PCDH15: variants seen among roughly 807,000 people sequenced by gnomAD.
PCDH15 encodes the protein protocadherin-15.
A neutral mutation model predicts 178.5 loss-of-function variants in PCDH15; 129 were observed. That is an observed-to-expected ratio of 0.72 (90% CI 0.63 to 0.84). The LOEUF is 0.84. Ranked by LOEUF, PCDH15 falls within the 40% of genes least tolerant of loss-of-function variation. PCDH15 has a pLI of 0.00. For missense variants in PCDH15, 2,230 were observed against 2,099.9 expected, an observed-to-expected ratio of 1.06 and a Z score of -1.21; for synonymous variants, 800 against 732.0, an observed-to-expected ratio of 1.09 and a Z score of -1.50.
rs754520523 is a variant in PCDH15, at chr10:53,995,778, A to T, written c.2752-13T>A. On this transcript the variant is annotated splice_polypyrimidine_tract_variant and intron_variant, in intron 20 of 37. Coordinates refer to ENST00000644397, the MANE Select transcript of PCDH15 (RefSeq NM_001384140.1). The stretch of plus-strand genomic sequence containing the variant: ...AATCATTCATATCCTGTAAAACACA[A>T]TTAGGAGTTTAGTACTTCAGTTGAA... 2 of 1,611,880 alleles carry T rather than the reference A, an allele frequency of 1.2e-6. No individual in the cohort carries two copies. Among genetic ancestry groups the T allele is most frequent in the Non-Finnish European group, 8.5e-7 (1 of 1,178,198 alleles).
chr10:55,339,271 A>G (rs925950438), intron 2 of PCDH15, among the ~76,000 whole-genome samples: 1 of 147,384 alleles, frequency 6.8e-6, no homozygotes, highest in Admixed American at 7.1e-5. Context: ...ACATACAACA[A>G]TTATGTAACC....
intron 3 of PCDH15, among the ~76,000 whole-genome samples, chr10:54,473,269 C>A (rs1473367147): frequency 1.3e-5 from 2 of 151,968 alleles, no homozygotes; most frequent in Non-Finnish European, 2.9e-5. Context: ...GCAAGAATAT[C>A]TTTTTTAAGG....
At chr10:54,238,264 T>C (rs2054835850) in intron 8 of PCDH15, among the ~76,000 whole-genome samples, 1 of 152,082 alleles carries the variant, frequency 6.6e-6, no homozygotes, top group African/African-American at 2.4e-5. Flanking sequence ...TGTACTTTTA[T>C]ACAAAACCAG....
At chr10:54,914,792 C>T (rs1954873085) in intron 2 of PCDH15, among the ~76,000 whole-genome samples, 1 of 152,110 alleles carries the variant, frequency 6.6e-6, no homozygotes, top group South Asian at 2.1e-4. Flanking sequence ...TAACCAAAAC[C>T]CTTCAAATCT....
chr10:55,354,236 C>T (rs1162355478), intron 2 of PCDH15, among the ~76,000 whole-genome samples: 1 of 152,060 alleles, frequency 6.6e-6, no homozygotes, highest in African/African-American at 2.4e-5. Flanking sequence ...CTGTAACCAA[C>T]CTCTGCCTCT....
At chr10:55,102,357 A>G (rs1842594434) in intron 2 of PCDH15, among the ~76,000 whole-genome samples, 1 of 152,074 alleles carries the variant, frequency 6.6e-6, no homozygotes, top group Non-Finnish European at 1.5e-5. Flanking sequence ...GTTATCCACA[A>G]GGGATATATT....
At chr10:54,552,307 A>G (rs182324053) in intron 2 of PCDH15, among the ~76,000 whole-genome samples, 214 of 152,310 alleles carry the variant, frequency 1.4e-3, no homozygotes, top group Non-Finnish European at 2.2e-3. Flanking sequence ...AATTTTATTC[A>G]TAGTTCACAG....
Position 53,888,677 on chromosome 10 carries a change from ATATATATATATATATATATATATAT to A in PCDH15, c.3501+14541_3501+14565del, listed in dbSNP as rs1296847598. Reference sequence around the variant, plus strand: ...GCAGTTAAGTTTGATATATATATATATATATATATATATATATATATATATATCTCCTGTGGAAATTGATAAGCTG... The same window carrying A: ...GCAGTTAAGTTTGATATATATATATAATCTCCTGTGGAAATTGATAAGCTG... On this transcript the variant is annotated intron_variant, in intron 26 of 37. Transcript: ENST00000644397. Among the ~76,000 whole-genome samples, 187 of 32,996 alleles carry A rather than the reference ATATATATATATATATATATATATAT, an allele frequency of 5.7e-3. 29 individuals carry two copies. In the South Asian group the frequency reaches 0.08, roughly 14 times the overall value. 21.6% of individuals were successfully genotyped at this position (32,996 alleles called of 152,430 possible).
chr10:54,488,882 A>G (rs1377504489), intron 3 of PCDH15, among the ~76,000 whole-genome samples: 2 of 152,026 alleles, frequency 1.3e-5, no homozygotes, highest in Non-Finnish European at 2.9e-5. Context: ...GTTAGTTTTC[A>G]TGGTTGGTCA....
intron 14 of PCDH15, among the ~76,000 whole-genome samples, chr10:54,142,899 A>G (rs2043541542): frequency 6.6e-6 from 1 of 152,182 alleles, no homozygotes; most frequent in South Asian, 2.1e-4. Context: ...CCTCTCTATC[A>G]AAAGGTAAAT....
chr10:54,098,100 C>CA (rs897390986), intron 15 of PCDH15, among the ~76,000 whole-genome samples: 7 of 151,712 alleles, frequency 4.6e-5, no homozygotes, highest in East Asian at 1.9e-4. Flanking sequence ...ACAAAACAAA[C>CA]AAAAAAAGAA....
Position 55,298,170 on chromosome 10 carries a change from G to T in PCDH15, c.-156+21429C>A, listed in dbSNP as rs562254073. ...AAAAGCCTTTAATATCCATGAACAAGCCCAAAATACTCATAAGGAGAAAAG... is the reference window on the plus strand; with the variant it reads ...AAAAGCCTTTAATATCCATGAACAATCCCAAAATACTCATAAGGAGAAAAG... On this transcript the variant is annotated intron_variant, in intron 1 of 5. Transcript: ENST00000458638. 3.9e-5 allele frequency among the ~76,000 whole-genome samples: 6 copies of T among 152,286 alleles called. No homozygotes were observed. In the South Asian group the frequency reaches 1.0e-3, roughly 26 times the overall value.
intron 8 of PCDH15, among the ~76,000 whole-genome samples, chr10:54,297,332 G>A (rs75583592): frequency 0.2 from 30,389 of 151,890 alleles, 3,129 homozygotes; most frequent in Admixed American, 0.23. Context: ...ACTATGGCTC[G>A]GCCACAATAT....
intron 2 of PCDH15, among the ~76,000 whole-genome samples, chr10:55,517,850 T>C (rs186087168): frequency 2.6e-5 from 4 of 151,980 alleles, no homozygotes; most frequent in Admixed American, 2.6e-4. Flanking sequence ...ATTATCTTTT[T>C]GACCAACTCT....
At chr10:54,987,726 AT>A (rs1231588002) in intron 2 of PCDH15, among the ~76,000 whole-genome samples, 1 of 142,266 alleles carries the variant, frequency 7.0e-6, no homozygotes, top group Non-Finnish European at 1.5e-5. Flanking sequence ...TTTCTTGTAC[AT>A]TTTTTTAAGT....
Position 55,501,590 on chromosome 10 carries a change from A to G in PCDH15, c.-156+126035T>C, listed in dbSNP as rs375004103. The stretch of plus-strand genomic sequence containing the variant: ...TGGTTATATAGTGTTTTAGAAAATA[A>G]AAGTTATTTTAATAAATTAATTATT... On this transcript the variant is annotated intron_variant, in intron 2 of 5. Coordinates refer to the PCDH15 transcript ENST00000613346. Among the ~76,000 whole-genome samples, 31 of 151,922 alleles carry G rather than the reference A, an allele frequency of 2.0e-4. 1 individual carries two copies. The East Asian group carries it at 4.3e-3, about 21-fold the overall frequency.
chr10:54,868,935 T>C (rs1953987213), intron 3 of PCDH15: 1 of 151,970 alleles, frequency 6.6e-6, no homozygotes, highest in African/African-American at 2.4e-5. Context: ...CTCCAAAAGG[T>C]TACACAAATC....
At chr10:54,432,017 C>T (rs1957025954) in intron 3 of PCDH15, among the ~76,000 whole-genome samples, 1 of 151,654 alleles carries the variant, frequency 6.6e-6, no homozygotes, top group Non-Finnish European at 1.5e-5. Flanking sequence ...GCCAAAGAAG[C>T]AAAAGATCTC....
At chr10:54,390,371 C>A (rs528763002) in intron 3 of PCDH15, among the ~76,000 whole-genome samples, 2 of 152,164 alleles carry the variant, frequency 1.3e-5, no homozygotes, top group Non-Finnish European at 2.9e-5. Flanking sequence ...CGGCTCCCTG[C>A]AACCTCTGCC....
Sources: gnomAD v4.1 joint callset for allele counts (sites outside exome capture counted in the v4.1 genomes callset) on GRCh38, gnomAD v4.1.1 for gene constraint, MANE v1.5 for transcripts, NCBI Gene and HGNC (gene_info 2026-07-23, HGNC 2026-07-21) for gene names.